The following NELL2 variants were observed in gnomAD, a reference collection of about 807,000 sequenced individuals.
The protein encoded by NELL2 is protein kinase C-binding protein NELL2.
Under a neutral mutation model 109.6 loss-of-function variants are expected in NELL2, and 41 were observed. The ratio of observed to expected loss-of-function variants is 0.37; its 90% CI spans 0.29 to 0.49. The LOEUF (loss-of-function observed/expected upper bound fraction) is 0.49. NELL2 is among the 20% of genes least tolerant of loss of function. The probability of loss-of-function intolerance (pLI) is 0.98; values close to 1 mark genes in which losing one functional copy is unlikely to be tolerated. For missense variants in NELL2, 900 were observed against 1,008.3 expected, an observed-to-expected ratio of 0.89 and a Z score of 1.45; for synonymous variants, 355 against 344.7, an observed-to-expected ratio of 1.03 and a Z score of -0.33.
intron 13 of NELL2, among the ~76,000 whole-genome samples, chr12:44,621,607 C>A (rs1406135092): frequency 6.6e-6 from 1 of 152,044 alleles, no homozygotes; most frequent in Non-Finnish European, 1.5e-5. Flanking sequence ...CATATCTGAT[C>A]AAATTTTGCT....
intron 13 of NELL2, among the ~76,000 whole-genome samples, chr12:44,615,831 C>G (rs891702191): frequency 2.0e-5 from 3 of 152,102 alleles, no homozygotes; most frequent in African/African-American, 7.2e-5. Flanking sequence ...ACAGACATCA[C>G]TTTCTGTTCA....
chr12:44,815,315 A>T (rs1219315696), intron 3 of NELL2, among the ~76,000 whole-genome samples: 2 of 152,212 alleles, frequency 1.3e-5, no homozygotes, highest in Non-Finnish European at 2.9e-5. Flanking sequence ...TATGAGGTAA[A>T]AAAGGAAGTT....
chr12:44,821,640 T>C (rs934393099), intron 2 of NELL2, among the ~76,000 whole-genome samples: 23 of 152,194 alleles, frequency 1.5e-4, no homozygotes, highest in African/African-American at 2.2e-4. Flanking sequence ...AATTCTGACA[T>C]TGACCATTAA....
intron 10 of NELL2, among the ~76,000 whole-genome samples, chr12:44,713,032 T>C (rs1938291835): frequency 6.6e-6 from 1 of 151,920 alleles, no homozygotes; most frequent in Non-Finnish European, 1.5e-5. Context: ...CTGTGTTGCC[T>C]CTATAAAGAC....
At position 44,508,887 on chromosome 12, in the gene NELL2, A is replaced by T. The variant is rs187562309; in HGVS notation, c.*47T>A. 1 of 1,537,332 alleles carries T rather than the reference A, an allele frequency of 6.5e-7. No individual in the cohort carries two copies. Among genetic ancestry groups the T allele is most frequent in the African/African-American group, 1.4e-5 (1 of 72,440 alleles). On this transcript the variant is annotated 3_prime_UTR_variant, in exon 20 of 20. Transcript: ENST00000429094. ...GTTTTAACTTCTTTTTGGTCTTTTA[A>T]TGAAAGAACATTCTTTTAACAGAAA...
chr12:44,823,536 A>T (rs1174766197), intron 2 of NELL2, among the ~76,000 whole-genome samples: 1 of 152,178 alleles, frequency 6.6e-6, no homozygotes, highest in Non-Finnish European at 1.5e-5. Context: ...TTTGTCCTCC[A>T]GTTTATCCAT....
At chr12:44,649,754 AC>A (rs766959404) in intron 13 of NELL2, among the ~76,000 whole-genome samples, 46 of 152,330 alleles carry the variant, frequency 3.0e-4, no homozygotes, top group Non-Finnish European at 4.4e-4. Flanking sequence ...GAAAACCTTG[AC>A]TACAAACAAA....
chr12:44,775,490 A>G (rs1469605530), intron 8 of NELL2, among the ~76,000 whole-genome samples: 1 of 152,260 alleles, frequency 6.6e-6, no homozygotes, highest in African/African-American at 2.4e-5. Flanking sequence ...TGAAATCATA[A>G]TGCAATAAAA....
chr12:44,807,214 CCT>C (rs1943030599), intron 3 of NELL2, among the ~76,000 whole-genome samples: 3 of 151,452 alleles, frequency 2.0e-5, no homozygotes, highest in African/African-American at 7.3e-5. Flanking sequence ...AAAGTCAGAG[CCT>C]CTAATGTCAC....
At chr12:44,698,492 G>C (rs1949128499) in intron 12 of NELL2, among the ~76,000 whole-genome samples, 1 of 152,140 alleles carries the variant, frequency 6.6e-6, no homozygotes, top group Non-Finnish European at 1.5e-5. Context: ...AATCTGGAGA[G>C]TGGGTCCTGG....
Position 44,508,961 on chromosome 12 carries a change from C to T in NELL2, c.2424G>A (p.Val808=), listed in dbSNP as rs1592044089. ...QCKNGHICCS[V]DPQCLQEL ...ACAGTTCCTGAAGGCACTGTGGATCCACTGAGCAACAGATGTGGCCATTCT... is the reference window on the plus strand; with the variant it reads ...ACAGTTCCTGAAGGCACTGTGGATCTACTGAGCAACAGATGTGGCCATTCT... The change falls in exon 20 of 20, where the codon GTG becomes GTA. Residue 808 remains valine, a synonymous_variant. Transcript: ENST00000429094. 1 of 1,612,732 alleles carries T rather than the reference C, an allele frequency of 6.2e-7. No homozygotes were observed. The highest frequency in any genetic ancestry group is 2.2e-5 in the East Asian group (1 of 44,854).
intron 9 of NELL2, among the ~76,000 whole-genome samples, chr12:44,726,950 T>A (rs2136464832): frequency 6.6e-6 from 1 of 152,262 alleles, no homozygotes; most frequent in South Asian, 2.1e-4. Flanking sequence ...TCAGTTGATT[T>A]CTTTTAATTT....
At chr12:44,918,881 T>A (rs1945849049), upstream of NELL2, among the ~76,000 whole-genome samples, 1 of 152,160 alleles carries the variant, frequency 6.6e-6, no homozygotes, top group African/African-American at 2.4e-5. Flanking sequence ...TAGTCCCTGA[T>A]TCCCAATGTA....
At chr12:44,891,478 G>A (rs906143458) in intron 1 of NELL2, among the ~76,000 whole-genome samples, 2 of 152,164 alleles carry the variant, frequency 1.3e-5, no homozygotes, top group African/African-American at 2.4e-5. Context: ...CTGGAGCTCG[G>A]ACCCAATGGG....
chr12:44,684,009 T>G (rs1948623283), intron 12 of NELL2, among the ~76,000 whole-genome samples: 1 of 152,360 alleles, frequency 6.6e-6, no homozygotes, highest in Middle Eastern at 3.4e-3. Flanking sequence ...CAGTTCCTCC[T>G]TGTATCTCTG....
Position 44,626,697 on chromosome 12 carries a change from AT to A in NELL2, c.1445-15728del, listed in dbSNP as rs967056803. Among the ~76,000 whole-genome samples the A allele has an allele frequency of 1.1e-3, 166 of 151,230 alleles. 1 individual carries two copies. Among genetic ancestry groups the A allele is most frequent in the Admixed American group, 3.6e-3 (55 of 15,158 alleles). ...ACCCTGTCGGCTGCATCTCTCACCA[AT>A]TTTTTTTTATTGATGATATGAAGAA... On this transcript the variant is annotated intron_variant, in intron 13 of 19. Transcript: ENST00000429094.
chr12:44,568,999 C>T (rs553254198), intron 15 of NELL2, among the ~76,000 whole-genome samples: 2 of 152,130 alleles, frequency 1.3e-5, no homozygotes, highest in South Asian at 2.1e-4. Context: ...GCCTAGTACT[C>T]ATTAGTTATT....
Position 44,774,778 on chromosome 12 carries a change from A to G in NELL2, c.963T>C (p.Tyr321=), listed in dbSNP as rs1416009117. 2.5e-6 allele frequency: 4 copies of G among 1,614,090 alleles called. No individual in the cohort carries two copies. The highest frequency in any genetic ancestry group is 2.2e-5 in the East Asian group (1 of 44,882). Residue 321 remains tyrosine (Y), a synonymous_variant, in exon 9 of 20, where the codon TAT becomes TAC. Coordinates refer to ENST00000429094, the MANE Select transcript of NELL2 (RefSeq NM_001145108.2). ...ATTCCTTACAGCATTTGCCATCCACATACGCAAGAGCCGACTTAAGTGGGC... is the reference window on the plus strand; with the variant it reads ...ATTCCTTACAGCATTTGCCATCCACGTACGCAAGAGCCGACTTAAGTGGGC... ...PDCPLKSALA[Y]VDGKCCKECK...
intron 15 of NELL2, among the ~76,000 whole-genome samples, chr12:44,579,491 T>C (rs527664330): frequency 3.9e-5 from 6 of 152,216 alleles, no homozygotes; most frequent in Non-Finnish European, 5.9e-5. Flanking sequence ...TTCGAGACAG[T>C]GGAAGTAGAC....
Sources: gnomAD v4.1 joint callset for allele counts (sites outside exome capture counted in the v4.1 genomes callset) on GRCh38, gnomAD v4.1.1 for gene constraint, MANE v1.5 for transcripts, NCBI Gene and HGNC (gene_info 2026-07-23, HGNC 2026-07-21) for gene names.